Variants in CTNNA2 observed in about 807,000 individuals in gnomAD.
CTNNA2 encodes the protein catenin alpha 2.
A neutral mutation model predicts 101.0 loss-of-function variants in CTNNA2; 42 were observed. That is an observed-to-expected ratio of 0.42 (90% CI 0.32 to 0.54). The LOEUF (loss-of-function observed/expected upper bound fraction) is 0.54, where lower values mean the gene tolerates loss of function less well. Among genes scored for constraint, CTNNA2 ranks in the 20% least tolerant of loss-of-function variants. The probability of loss-of-function intolerance (pLI) is 0.14; values close to 1 mark genes in which losing one functional copy is unlikely to be tolerated. For missense variants in CTNNA2, 871 were observed against 1,223.1 expected, an observed-to-expected ratio of 0.71 and a Z score of 4.29; for synonymous variants, 450 against 456.4, an observed-to-expected ratio of 0.99 and a Z score of 0.18.
intron 1 of CTNNA2, among the ~76,000 whole-genome samples, chr2:79,190,755 T>C (rs1673842937): frequency 6.6e-6 from 1 of 152,124 alleles, no homozygotes. Flanking sequence ...AATAGTAAGT[T>C]CCCTGAATTA....
In CTNNA2 at chr2:80,638,347, T is replaced by A. The variant is rs537937539; in HGVS notation, c.2575-9238T>A. On this transcript the variant is annotated intron_variant, in intron 18 of 18. Coordinates refer to ENST00000402739, the MANE Select transcript of CTNNA2 (RefSeq NM_001282597.3). ...TATGGGGGGGGTGCCTGAAAGCCCA[T>A]TGGCTCTTCTCTTTGTTGCATAATT... 2.0e-5 allele frequency among the ~76,000 whole-genome samples: 3 copies of A among 152,314 alleles called. No individual in the cohort carries two copies. The South Asian group carries it at 6.2e-4, about 32-fold the overall frequency.
intron 7 of CTNNA2, among the ~76,000 whole-genome samples, chr2:79,938,646 T>A (rs1558657986): frequency 6.6e-6 from 1 of 152,298 alleles, no homozygotes; most frequent in East Asian, 1.9e-4. Flanking sequence ...AGACAAAGCA[T>A]TTGTTCTTCA....
intron 2 of CTNNA2, among the ~76,000 whole-genome samples, chr2:79,310,551 C>T (rs1676343922): frequency 6.6e-6 from 1 of 152,174 alleles, no homozygotes; most frequent in Non-Finnish European, 1.5e-5. Context: ...TGCCCATGCA[C>T]TTATTGGGTG....
intron 7 of CTNNA2, among the ~76,000 whole-genome samples, chr2:80,081,379 G>C (rs56798099): frequency 0.044 from 6,745 of 151,714 alleles, 477 homozygotes; most frequent in African/African-American, 0.15. Flanking sequence ...TTAAAACATG[G>C]GGGGGCTGTT....
At chr2:79,817,907 C>T (rs1677660197) in intron 3 of CTNNA2, among the ~76,000 whole-genome samples, 1 of 152,130 alleles carries the variant, frequency 6.6e-6, no homozygotes, top group African/African-American at 2.4e-5. Context: ...GTAAATAACC[C>T]CCTCTCCCAA....
At position 79,744,438 on chromosome 2, in the gene CTNNA2, G is replaced by C; in HGVS notation, c.154G>C (p.Gly52Arg). The C allele has an allele frequency of 6.2e-7, 1 of 1,614,066 alleles. No homozygotes were observed. Among genetic ancestry groups the C allele is most frequent in the Non-Finnish European group, 8.5e-7 (1 of 1,179,986 alleles). The change falls in exon 3 of 19, where the codon GGG (glycine) becomes CGG (arginine). Residue 52 changes from glycine to arginine, a missense_variant. Transcript: ENST00000402739. ...SNKGPSGKKK[G>R]RSKKAHVLAA... is the part of the protein sequence containing the mutation. ...CAAAGGCCCATCTGGTAAAAAGAAA[G>C]GGAGGTCAAAGAAAGCCCATGTACT...
intron 1 of CTNNA2, among the ~76,000 whole-genome samples, chr2:79,536,327 C>T (rs1217191623): frequency 2.0e-5 from 3 of 152,034 alleles, no homozygotes; most frequent in African/African-American, 7.2e-5. Flanking sequence ...GGTTTGTCAC[C>T]ATCCAGATTG....
intron 4 of CTNNA2, among the ~76,000 whole-genome samples, chr2:79,419,513 C>T (rs1678517416): frequency 6.6e-6 from 1 of 152,004 alleles, no homozygotes; most frequent in South Asian, 2.1e-4. Flanking sequence ...TATAGGGAAA[C>T]TCTGTATTTT....
intron 9 of CTNNA2, among the ~76,000 whole-genome samples, chr2:80,532,997 G>C (rs971687693): frequency 2.6e-5 from 4 of 152,156 alleles, no homozygotes; most frequent in Non-Finnish European, 5.9e-5. Context: ...ACAAGGTCTT[G>C]AACGGGGAGC....
chr2:79,399,215 G>A (rs543607951), intron 4 of CTNNA2, among the ~76,000 whole-genome samples: 1 of 152,226 alleles, frequency 6.6e-6, no homozygotes, highest in Non-Finnish European at 1.5e-5. Context: ...AGGATAAGAG[G>A]CTGATTTTTT....
chr2:80,327,492 G>A (rs1670918678), intron 7 of CTNNA2, among the ~76,000 whole-genome samples: 1 of 151,966 alleles, frequency 6.6e-6, no homozygotes, highest in African/African-American at 2.4e-5. Flanking sequence ...AAAGTGTGGA[G>A]CAAGGAAACA....
At chr2:80,209,064 G>C (rs531132553) in intron 7 of CTNNA2, among the ~76,000 whole-genome samples, 2 of 152,106 alleles carry the variant, frequency 1.3e-5, no homozygotes, top group East Asian at 3.9e-4. Context: ...AAATATCATA[G>C]TAAGGAGGTA....
chr2:80,303,903 A>AG lies in CTNNA2; in HGVS notation c.1057-89304dup. On this transcript the variant is annotated intron_variant, in intron 7 of 18. Transcript: ENST00000402739. This position sits in a 1 kb window ranked among gnomAD's most constrained non-coding sequence, Gnocchi z 7.7. ...TCTACATCATATTTTATTCCGAGGG[A>AG]GGGGAAGCGGGGGAGGGGGAGAAAA... is the stretch of plus-strand genomic sequence containing the variant. 7.0e-7 allele frequency: 1 copy of AG among 1,419,980 alleles called. No individual in the cohort carries two copies. The highest frequency in any genetic ancestry group is 9.3e-7 in the Non-Finnish European group (1 of 1,080,580). 88.0% of individuals were successfully genotyped at this position (1,419,980 alleles called of 1,614,324 possible).
At chr2:79,959,520 A>C (rs1363574953) in intron 7 of CTNNA2, among the ~76,000 whole-genome samples, 1 of 152,196 alleles carries the variant, frequency 6.6e-6, no homozygotes, top group Non-Finnish European at 1.5e-5. Context: ...GCCACTCTTA[A>C]TGCCTTGCCT....
rs146454061 is a variant in CTNNA2 at position 79,788,764 on chromosome 2, G to A, written c.298+44182G>A. 1.6e-3 allele frequency among the ~76,000 whole-genome samples: 250 copies of A among 152,264 alleles called. 2 individuals carry two copies. Among genetic ancestry groups the A allele is most frequent in the East Asian group, 3.5e-3 (18 of 5,182 alleles). On this transcript the variant is annotated intron_variant, in intron 3 of 18. Transcript: ENST00000402739. ...ATCATCAAAACTTCCAGGTATCAGT[G>A]CTCTTTTGAATACAGATATTGCTTC...
chr2:80,631,147 T>C (rs1427341662), intron 18 of CTNNA2, among the ~76,000 whole-genome samples: 1 of 152,204 alleles, frequency 6.6e-6, no homozygotes, highest in Non-Finnish European at 1.5e-5. Context: ...GACTCTAAGA[T>C]AGCAATTGTG....
intron 7 of CTNNA2, among the ~76,000 whole-genome samples, chr2:80,345,269 C>G (rs1482245267): frequency 1.3e-5 from 2 of 152,228 alleles, no homozygotes; most frequent in Non-Finnish European, 2.9e-5. Context: ...TCCTGGCACA[C>G]TAGCCCCATT....
At chr2:80,239,530 C>T (rs1709731084) in intron 7 of CTNNA2, among the ~76,000 whole-genome samples, 1 of 152,090 alleles carries the variant, frequency 6.6e-6, no homozygotes, top group Admixed American at 6.6e-5. Context: ...TTTTTCTATA[C>T]ACTATTTTTT....
At chr2:80,624,197 C>A (rs1183629198) in intron 18 of CTNNA2, among the ~76,000 whole-genome samples, 1 of 151,348 alleles carries the variant, frequency 6.6e-6, no homozygotes, top group East Asian at 2.0e-4. Context: ...GGATGGTATT[C>A]TTTTGTAGGG....
Sources: allele counts gnomAD v4.1 joint callset (sites outside exome capture counted in the v4.1 genomes callset), GRCh38; gene constraint gnomAD v4.1.1; non-coding constraint Gnocchi (gnomAD v3.1); transcripts MANE v1.5; gene names NCBI Gene and HGNC (gene_info 2026-07-23, HGNC 2026-07-21).